ANXA2: variants seen among roughly 807,000 people sequenced by gnomAD.
ANXA2 encodes annexin A2.
ANXA2 carries 28 observed loss-of-function variants against 47.3 expected under a neutral mutation model. The observed-to-expected ratio is 0.59, with a 90% confidence interval of 0.44 to 0.81. The LOEUF (loss-of-function observed/expected upper bound fraction) is 0.81, where lower values mean the gene tolerates loss of function less well. ANXA2 is among the 40% of genes least tolerant of loss of function. The pLI is 0.00. For synonymous variants in ANXA2, 172 were observed against 155.5 expected (o/e 1.11, Z -0.79); for missense variants, 384 against 414.3 (o/e 0.93, Z 0.64).
At chr15:60,385,870 A>G (rs886311031) in intron 2 of ANXA2, 158 bp downstream of exon 2, 14 of 557,570 alleles carry the variant, frequency 2.5e-5, no homozygotes, top group African/African-American at 2.2e-4. Flanking sequence ...AAATTGAACT[A>G]CTAGGAACAG....
At position 60,376,973 on chromosome 15, in the gene ANXA2, C is replaced by T. The variant is rs114540606; in HGVS notation, c.148+5369G>A. Among the ~76,000 whole-genome samples, 555 of 152,368 alleles carry T rather than the reference C, an allele frequency of 3.6e-3. 4 individuals carry two copies. Among genetic ancestry groups the T allele is most frequent in the African/African-American group, 0.013 (527 of 41,584 alleles). On this transcript the variant is annotated intron_variant, in intron 3 of 12. Coordinates refer to ENST00000451270, the MANE Select transcript of ANXA2 (RefSeq NM_004039.3). The stretch of plus-strand genomic sequence containing the variant: ...ACACTCACACACACGTGTGTACACA[C>T]GGCTACCCCCGTCTAGGAGAGAAAG...
intron 3 of ANXA2, among the ~76,000 whole-genome samples, chr15:60,370,818 G>T (rs531625275): frequency 6.6e-6 from 1 of 152,174 alleles, no homozygotes; most frequent in African/African-American, 2.4e-5. Context: ...AGGGCACAGG[G>T]TCTAAAGAAA....
At chr15:60,361,381 C>T (rs575077219) in intron 4 of ANXA2, 3 of 273,918 alleles carry the variant, frequency 1.1e-5, no homozygotes, top group Admixed American at 4.8e-5. Flanking sequence ...AAAGCAGTAA[C>T]ACTCCGTGGA....
intron 5 of ANXA2, among the ~76,000 whole-genome samples, chr15:60,360,449 G>A (rs1004490538): frequency 2.6e-5 from 4 of 152,124 alleles, no homozygotes; most frequent in Admixed American, 1.3e-4. Flanking sequence ...ATTCAGGTAC[G>A]ATTCTTCATC....
chr15:60,390,212 C>T (rs1229273461), intron 1 of ANXA2: 11 of 963,454 alleles, frequency 1.1e-5, no homozygotes, highest in Non-Finnish European at 1.4e-5. Flanking sequence ...GTCACACTTA[C>T]CACAAAGCAG....
intron 1 of ANXA2, chr15:60,392,979 G>T: frequency 1.7e-5 from 21 of 1,204,986 alleles, no homozygotes; most frequent in Non-Finnish European, 2.1e-5. Context: ...TGGGTGAGGA[G>T]AGGGGTTCCC....
At chr15:60,390,440 G>A (rs1318947110) in intron 1 of ANXA2, 3 of 512,542 alleles carry the variant, frequency 5.9e-6, no homozygotes, top group Non-Finnish European at 1.1e-5. Flanking sequence ...CCACAAAACG[G>A]CACAATACCA....
chr15:60,354,410 G>T (rs1967370), intron 7 of ANXA2, among the ~76,000 whole-genome samples, 197 bp from the exon 8 acceptor site: 119,806 of 151,966 alleles, frequency 0.79, 47,646 homozygotes, highest in African/African-American at 0.87. Flanking sequence ...GGGAAGCCAA[G>T]GCGGGCAGAT....
intron 1 of ANXA2, among the ~76,000 whole-genome samples, chr15:60,389,976 C>T (rs2062986028): frequency 6.6e-6 from 1 of 152,148 alleles, no homozygotes; most frequent in African/African-American, 2.4e-5. Flanking sequence ...GCCAAGTATT[C>T]AAATGGTGAA....
intron 3 of ANXA2, among the ~76,000 whole-genome samples, chr15:60,377,061 C>T (rs1015393285): frequency 1.3e-5 from 2 of 152,210 alleles, no homozygotes; most frequent in Admixed American, 6.5e-5. Context: ...AGGTTTATAC[C>T]GTGTCCTTTG....
intron 9 of ANXA2, 22 bp from the exon 10 acceptor site, chr15:60,351,841 T>C: frequency 6.6e-7 from 1 of 1,523,466 alleles, no homozygotes; most frequent in East Asian, 2.3e-5. Context: ...CAACAAAGAG[T>C]TATCAGATCC....
rs573997553 is a variant in ANXA2 at position 60,364,047 on chromosome 15, G to T, written c.243+382C>A. Among the ~76,000 whole-genome samples the T allele has an allele frequency of 6.6e-5, 10 of 152,294 alleles. No individual in the cohort carries two copies. The East Asian group carries it at 1.9e-3, about 29-fold the overall frequency. ...TCCCTCCAGGTAGCCTGGGTTGGGG[G>T]AGGGTACTGTCCTTACACAGGAGCT... is the stretch of plus-strand genomic sequence containing the variant. On this transcript the variant is annotated intron_variant, in intron 4 of 12. Coordinates refer to ENST00000451270, the MANE Select transcript of ANXA2 (RefSeq NM_004039.3).
At position 60,364,456 on chromosome 15, in the gene ANXA2, G is replaced by C. The variant is rs1227837523; in HGVS notation, c.216C>G (p.Ala72=). The C allele has an allele frequency of 1.9e-6, 3 of 1,613,178 alleles. No homozygotes were observed. The East Asian group carries it at 6.7e-5, about 36-fold the overall frequency. Residue 72 remains alanine, a synonymous_variant, in exon 4 of 13, where the codon GCC becomes GCG. Coordinates refer to ENST00000451270, the MANE Select transcript of ANXA2 (RefSeq NM_004039.3). ...TTTTGGTCCTTCTCTGGTAGGCGAAGGCAATATCCTGTCTCTGTGCATTGC... is the reference window on the plus strand; with the variant it reads ...TTTTGGTCCTTCTCTGGTAGGCGAACGCAATATCCTGTCTCTGTGCATTGC... ...NRSNAQRQDI[A]FAYQRRTKKE...
intron 3 of ANXA2, among the ~76,000 whole-genome samples, chr15:60,373,472 T>G (rs551049515): frequency 6.6e-6 from 1 of 152,298 alleles, no homozygotes; most frequent in South Asian, 2.1e-4. Context: ...CAAAAGCACC[T>G]TCAGCCAGGG....
intron 2 of ANXA2, chr15:60,382,905 T>C (rs1196268929): frequency 1.3e-5 from 2 of 154,674 alleles, no homozygotes; most frequent in Non-Finnish European, 2.9e-5. Context: ...TTCAGATAAA[T>C]GAGGGAAGCA....
At chr15:60,347,739 G>T in intron 12 of ANXA2, 50 bp from the exon 13 acceptor site, 1 of 1,517,964 alleles carries the variant, frequency 6.6e-7, no homozygotes, top group East Asian at 2.3e-5. Flanking sequence ...AAAAAGCCCA[G>T]ACTCCTCAAT....
In ANXA2 at chr15:60,349,048, C is replaced by G. The variant is rs1287587784; in HGVS notation, c.960+27G>C. 4 of 1,613,220 alleles carry G rather than the reference C, an allele frequency of 2.5e-6. No individual in the cohort carries two copies. The South Asian group carries it at 4.4e-5, about 18-fold the overall frequency. On this transcript the variant is annotated intron_variant, in intron 12 of 12. Transcript: ENST00000451270. ...GCCCGGGGTGCTCTGGACGGCAGGGCAGGCTGACACTGCACCTCGGGCTTA... is the reference window on the plus strand; with the variant it reads ...GCCCGGGGTGCTCTGGACGGCAGGGGAGGCTGACACTGCACCTCGGGCTTA...
chr15:60,363,273 G>C (rs1469549114), intron 4 of ANXA2, among the ~76,000 whole-genome samples: 3 of 152,178 alleles, frequency 2.0e-5, no homozygotes, highest in Non-Finnish European at 4.4e-5. Flanking sequence ...TACACTTCTA[G>C]TGAAAGAAGA....
chr15:60,351,688 T>G (rs1399187569), intron 10 of ANXA2, 36 bp downstream of exon 10: 2 of 1,345,842 alleles, frequency 1.5e-6, no homozygotes, highest in African/African-American at 2.9e-5. Flanking sequence ...CTCTGGTAGC[T>G]GATGTCTACC....
Sources: gnomAD v4.1 joint callset for allele counts (sites outside exome capture counted in the v4.1 genomes callset) on GRCh38, gnomAD v4.1.1 for gene constraint, MANE v1.5 for transcripts, NCBI Gene and HGNC (gene_info 2026-07-23, HGNC 2026-07-21) for gene names.